FUT9: variants seen among roughly 807,000 people sequenced by gnomAD.
FUT9 encodes fucosyltransferase 9.
A neutral mutation model predicts 29.7 loss-of-function variants in FUT9; 15 were observed. The observed-to-expected ratio is 0.51, with a 90% CI of 0.34 to 0.78. The LOEUF (loss-of-function observed/expected upper bound fraction) is 0.78, where lower values mean the gene tolerates loss of function less well. FUT9 is among the 30% of genes least tolerant of loss of function. FUT9 has a pLI of 0.01. For synonymous variants in FUT9, 169 were observed against 153.7 expected (o/e 1.10, Z -0.74); for missense variants, 319 against 425.4 (o/e 0.75, Z 2.20).
chr6:96,144,166 C>T (rs977906567), intron 2 of FUT9, among the ~76,000 whole-genome samples: 1 of 152,202 alleles, frequency 6.6e-6, no homozygotes, highest in Non-Finnish European at 1.5e-5. Context: ...TTTGTTATAT[C>T]ATCTGTGACT....
rs73552537 is a variant in FUT9 at position 96,081,459 on chromosome 6, G to A, written c.-97-32580G>A. Among the ~76,000 whole-genome samples the A allele has an allele frequency of 4.6e-3, 693 of 151,740 alleles. 7 individuals are homozygous for A. The highest frequency in any genetic ancestry group is 0.016 in the African/African-American group (675 of 41,454). On this transcript the variant is annotated intron_variant, in intron 1 of 2. Transcript: ENST00000302103. Reference sequence around the variant, plus strand: ...ATTGTAGATTCACCTATGCTGATACGTCTATTTGTAGTTCATTTGTTTTTA... The same window carrying A: ...ATTGTAGATTCACCTATGCTGATACATCTATTTGTAGTTCATTTGTTTTTA...
intron 2 of FUT9, among the ~76,000 whole-genome samples, chr6:96,153,207 A>T (rs1772713960): frequency 6.6e-6 from 1 of 152,226 alleles, no homozygotes; most frequent in African/African-American, 2.4e-5. Context: ...TTGGTAAAGA[A>T]ATACATATAA....
intron 2 of FUT9, among the ~76,000 whole-genome samples, chr6:96,125,772 C>G (rs1049740310): frequency 1.2e-4 from 18 of 152,112 alleles, no homozygotes; most frequent in Admixed American, 3.3e-4. Flanking sequence ...GAACCATGAT[C>G]CATTACTACC....
rs1422748480 is a variant in FUT9 at position 96,208,046 on chromosome 6, T to A, written c.*3811T>A. The A allele has an allele frequency of 6.0e-6, 1 of 166,942 alleles. No homozygotes were observed. The highest frequency in any genetic ancestry group is 1.5e-5 in the Non-Finnish European group (1 of 68,006). The allele number at this position is 166,942 out of a possible 1,614,324, so 10.3% of individuals were successfully genotyped here. ...GTTATATTTACTGTAAAACTCCTGATAATCTTAGATTGTGCAGAAATGTTT... is the reference window on the plus strand; with the variant it reads ...GTTATATTTACTGTAAAACTCCTGAAAATCTTAGATTGTGCAGAAATGTTT... On this transcript the variant is annotated 3_prime_UTR_variant, in exon 3 of 3. Transcript: ENST00000302103.
At chr6:96,075,470 A>T (rs532275716) in intron 1 of FUT9, among the ~76,000 whole-genome samples, 7 of 152,314 alleles carry the variant, frequency 4.6e-5, no homozygotes, top group African/African-American at 1.7e-4. Context: ...CTTTCCTGAC[A>T]AATATATATG....
At chr6:96,022,809 G>A (rs762133879) in intron 1 of FUT9, among the ~76,000 whole-genome samples, 1 of 151,874 alleles carries the variant, frequency 6.6e-6, no homozygotes, top group African/African-American at 2.4e-5. Context: ...CAGGAGTTCA[G>A]TTTTGACAAG....
At chr6:96,036,416 G>A (rs1176888227) in intron 1 of FUT9, among the ~76,000 whole-genome samples, 1 of 151,598 alleles carries the variant, frequency 6.6e-6, no homozygotes, top group African/African-American at 2.4e-5. Context: ...GTCTGTTCAT[G>A]GTTTGCATAA....
chr6:96,169,929 T>C (rs571336263), intron 2 of FUT9, among the ~76,000 whole-genome samples: 1 of 152,272 alleles, frequency 6.6e-6, no homozygotes, highest in East Asian at 1.9e-4. Context: ...ATTTCTTTCA[T>C]TAGCCTGTGA....
intron 2 of FUT9, among the ~76,000 whole-genome samples, chr6:96,153,139 A>G (rs1401554692): frequency 6.6e-6 from 1 of 151,986 alleles, no homozygotes; most frequent in African/African-American, 2.4e-5. Flanking sequence ...TGGGGTACTT[A>G]CAAAAAGTAT....
chr6:96,198,361 T>C (rs1176556958), intron 2 of FUT9, among the ~76,000 whole-genome samples: 2 of 151,384 alleles, frequency 1.3e-5, no homozygotes, highest in South Asian at 2.1e-4. Context: ...AGTGAGAATA[T>C]GCAGTGTTTG....
chr6:96,036,909 A>G (rs1272277348), intron 1 of FUT9: 1 of 152,012 alleles, frequency 6.6e-6, no homozygotes, highest in East Asian at 1.9e-4. Context: ...GCAGATTCTT[A>G]TTCAATAGAT....
chr6:96,179,892 C>T (rs1488323532), intron 2 of FUT9, among the ~76,000 whole-genome samples: 1 of 152,090 alleles, frequency 6.6e-6, no homozygotes, highest in African/African-American at 2.4e-5. Flanking sequence ...GCAGTAATTA[C>T]TCTAAAAGAT....
intron 1 of FUT9, among the ~76,000 whole-genome samples, chr6:96,093,998 A>G (rs947782876): frequency 6.6e-6 from 1 of 152,142 alleles, no homozygotes; most frequent in African/African-American, 2.4e-5. Context: ...ATGAGGCTGG[A>G]ATGTATATGT....
chr6:96,063,449 T>C (rs911358865), intron 1 of FUT9, among the ~76,000 whole-genome samples: 3 of 151,914 alleles, frequency 2.0e-5, no homozygotes, highest in African/African-American at 7.3e-5. Flanking sequence ...AACAATCAGA[T>C]CTCATGTGAA....
chr6:96,135,495 C>T (rs575995740), intron 2 of FUT9, among the ~76,000 whole-genome samples: 1 of 151,930 alleles, frequency 6.6e-6, no homozygotes, highest in Non-Finnish European at 1.5e-5. Flanking sequence ...AACCAGTTGG[C>T]CAGCCAATTT....
At chr6:96,174,944 A>G (rs1773178202) in intron 2 of FUT9, among the ~76,000 whole-genome samples, 3 of 152,186 alleles carry the variant, frequency 2.0e-5, no homozygotes, top group South Asian at 4.1e-4. Context: ...CAGATTCTAA[A>G]GCATTCATCT....
chr6:96,103,729 C>T lies in FUT9; in HGVS notation c.-97-10310C>T, dbSNP rs1018271663. 3.3e-5 allele frequency among the ~76,000 whole-genome samples: 5 copies of T among 152,272 alleles called. 1 individual carries two copies. The highest frequency in any genetic ancestry group is 9.6e-5 in the African/African-American group (4 of 41,560). ...CAGTCATTGGATTTAGGGCCTAACC[C>T]TGTCCAGTGTGATTTTCATCTTTTT... On this transcript the variant is annotated intron_variant, in intron 1 of 2. Coordinates refer to ENST00000302103, the MANE Select transcript of FUT9 (RefSeq NM_006581.4).
chr6:96,111,964 A>T (rs1361226187), intron 1 of FUT9, among the ~76,000 whole-genome samples: 1 of 152,178 alleles, frequency 6.6e-6, no homozygotes, highest in African/African-American at 2.4e-5. Context: ...TCATTTAACA[A>T]TCCTAAGACA....
At chr6:96,182,964 A>G (rs1773337356) in intron 2 of FUT9, among the ~76,000 whole-genome samples, 1 of 151,816 alleles carries the variant, frequency 6.6e-6, no homozygotes, top group South Asian at 2.1e-4. Flanking sequence ...TTTTTTTTCT[A>G]GTTCTGTGAA....
Sources: allele counts gnomAD v4.1 joint callset (sites outside exome capture counted in the v4.1 genomes callset), GRCh38; gene constraint gnomAD v4.1.1; transcripts MANE v1.5; gene names NCBI Gene and HGNC (gene_info 2026-07-23, HGNC 2026-07-21).